INTS14: variants seen among roughly 807,000 people sequenced by gnomAD.
The protein encoded by INTS14 is integrator complex subunit 14.
In INTS14, 27 loss-of-function variants were observed where a neutral mutation model predicts 56.9. The ratio of observed to expected loss-of-function variants is 0.47; its 90% CI spans 0.35 to 0.65. The LOEUF is 0.65. INTS14 is among the 30% of genes least tolerant of loss of function. The pLI is 0.00. For missense variants in INTS14, 517 were observed against 632.2 expected (o/e 0.82, Z 1.95); for synonymous variants, 207 against 236.2 (o/e 0.88, Z 1.13).
chr15:65,590,907 T>A lies in INTS14; in HGVS notation c.1120+691A>T, dbSNP rs367654687. Among the ~76,000 whole-genome samples, 31 of 152,140 alleles carry A rather than the reference T, an allele frequency of 2.0e-4. 1 individual carries two copies. The South Asian group carries it at 6.4e-3, about 32-fold the overall frequency. ...GGAGGAAAATCAGAAGGAGGAATAG[T>A]TTGAGGAGAAAGGGGTGCGGGACAA... On this transcript the variant is annotated intron_variant, in intron 9 of 11. Transcript: ENST00000313182.
chr15:65,604,741 A>AAG (rs1214415607), intron 3 of INTS14, among the ~76,000 whole-genome samples: 1 of 151,976 alleles, frequency 6.6e-6, no homozygotes, highest in African/African-American at 2.4e-5. Context: ...AAAAAAAAAA[A>AAG]AAAAAAAAAG....
Position 65,584,806 on chromosome 15 carries a change from C to G in INTS14, c.1203G>C (p.Gln401His), listed in dbSNP as rs1367106508. The G allele has an allele frequency of 2.5e-6, 4 of 1,613,382 alleles. No individual in the cohort carries two copies. The highest frequency in any genetic ancestry group is 4.5e-5 in the East Asian group (2 of 44,826). The change falls in exon 10 of 12, where the codon CAG becomes CAC. Residue 401 changes from glutamine to histidine, a missense_variant. Gln to His is a conservative substitution (Grantham distance 24). Coordinates refer to ENST00000313182, the MANE Select transcript of INTS14 (RefSeq NM_001394796.1). ...LQPKNKRSYA[Q>H]NVTVWIKPSG... is the part of the protein sequence containing the mutation. ...TGGGTTTGATCCAGACAGTCACATT[C>G]TGGGCATAACTGCGTTTGTTTTTGG...
chr15:65,607,295 T>C lies in INTS14; in HGVS notation c.86A>G (p.His29Arg). 6.2e-7 allele frequency: 1 copy of C among 1,614,208 alleles called. No homozygotes were observed. Among genetic ancestry groups the C allele is most frequent in the Non-Finnish European group, 8.5e-7 (1 of 1,180,038 alleles). ...CATCGTTAAACCATGGGCTGCTAGGTGCTTACGCTGGTATTCCTCGGACCC... is the reference window on the plus strand; with the variant it reads ...CATCGTTAAACCATGGGCTGCTAGGCGCTTACGCTGGTATTCCTCGGACCC... ...IEGSEEYQRK[H>R]LAAHGLTMLF... is the part of the protein sequence containing the mutation. Residue 29 changes from histidine to arginine, a missense_variant, in exon 2 of 12, where the codon CAC becomes CGC. Physicochemically the swap from His to Arg is conservative, Grantham distance 29. Coordinates refer to ENST00000313182, the MANE Select transcript of INTS14 (RefSeq NM_001394796.1).
In INTS14 at chr15:65,611,081, T is replaced by G; in HGVS notation, c.-63+17A>C. 1 of 1,535,630 alleles carries G rather than the reference T, an allele frequency of 6.5e-7. No individual in the cohort carries two copies. The stretch of plus-strand genomic sequence containing the variant: ...AGCAGCGAAAGGCAGTCCCGGGCCC[T>G]CGGCCTCCCCACTCACCCCGTGCCC... On this transcript the variant is annotated intron_variant, in intron 1 of 11. Coordinates refer to ENST00000313182, the MANE Select transcript of INTS14 (RefSeq NM_001394796.1).
chr15:65,610,601 G>A, intron 1 of INTS14: 3 of 1,424,082 alleles, frequency 2.1e-6, no homozygotes, highest in Non-Finnish European at 2.9e-6. Flanking sequence ...TTCCCTGAAG[G>A]TGATAATTAG....
At chr15:65,592,598 T>G (rs1279243545) in intron 8 of INTS14, among the ~76,000 whole-genome samples, 1 of 152,218 alleles carries the variant, frequency 6.6e-6, no homozygotes, top group Non-Finnish European at 1.5e-5. Context: ...ACAACCTCTC[T>G]TAAGCCTGTC....
chr15:65,590,066 C>G (rs949346277), intron 9 of INTS14, among the ~76,000 whole-genome samples: 1 of 152,196 alleles, frequency 6.6e-6, no homozygotes, highest in African/African-American at 2.4e-5. Flanking sequence ...TTTAACACTT[C>G]TCTCTCCATA....
In INTS14 at chr15:65,584,752, C is replaced by T; in HGVS notation, c.1239+18G>A. On this transcript the variant is annotated intron_variant, in intron 10 of 11. Coordinates refer to ENST00000313182, the MANE Select transcript of INTS14 (RefSeq NM_001394796.1). Reference sequence around the variant, plus strand: ...GTCTCCTGTCCCCAGTGGAAAGCAACATAAATGGTAATGTTACCTGCAGGC... The same window carrying T: ...GTCTCCTGTCCCCAGTGGAAAGCAATATAAATGGTAATGTTACCTGCAGGC... 6.2e-7 allele frequency: 1 copy of T among 1,607,752 alleles called. No homozygotes were observed. Among genetic ancestry groups the T allele is most frequent in the South Asian group, 1.1e-5 (1 of 90,042 alleles).
chr15:65,587,547 A>C (rs1385452607), intron 9 of INTS14, among the ~76,000 whole-genome samples: 1 of 152,222 alleles, frequency 6.6e-6, no homozygotes, highest in East Asian at 1.9e-4. Context: ...CTGAATACTG[A>C]TTTAACCAAA....
At chr15:65,603,081 TATA>T (rs1437191266) in intron 3 of INTS14, among the ~76,000 whole-genome samples, 1 of 152,222 alleles carries the variant, frequency 6.6e-6, no homozygotes, top group South Asian at 2.1e-4. Flanking sequence ...ATTTATTCAC[TATA>T]ATGTTAGGAA....
At chr15:65,597,682 T>C (rs1335175759) in intron 6 of INTS14, among the ~76,000 whole-genome samples, 1 of 152,188 alleles carries the variant, frequency 6.6e-6, no homozygotes, top group Admixed American at 6.5e-5. Flanking sequence ...AGAGGAAGAC[T>C]TCCCAGGGTC....
Position 65,579,556 on chromosome 15 carries a change from G to A in INTS14, c.1409C>T (p.Thr470Ile). The change falls in exon 12 of 12, where the codon ACA (threonine) becomes ATA (isoleucine). Residue 470 changes from threonine (T) to isoleucine (I), a missense_variant. Physicochemically the swap from Thr to Ile is moderately conservative, Grantham distance 89. Coordinates refer to ENST00000313182, the MANE Select transcript of INTS14 (RefSeq NM_001394796.1). ...CTGGAATGCAGCATCAGGGTGGGCTGTCTCAGGCAGCAGTGTGCATTCCCT... is the reference window on the plus strand; with the variant it reads ...CTGGAATGCAGCATCAGGGTGGGCTATCTCAGGCAGCAGTGTGCATTCCCT... Reference protein sequence around the residue: ...LERECTLLPETAHPDAAFQLT... With the variant: ...LERECTLLPEIAHPDAAFQLT... The A allele has an allele frequency of 6.2e-7, 1 of 1,614,196 alleles. No individual in the cohort carries two copies. The highest frequency in any genetic ancestry group is 8.5e-7 in the Non-Finnish European group (1 of 1,180,038).
intron 8 of INTS14, among the ~76,000 whole-genome samples, chr15:65,592,576 TGG>T: frequency 6.6e-6 from 1 of 152,270 alleles, no homozygotes; most frequent in East Asian, 1.9e-4. Context: ...TGTGTGACCT[TGG>T]GCAAGTTCCA....
At chr15:65,598,115 A>G (rs1217855289) in intron 6 of INTS14, among the ~76,000 whole-genome samples, 4 of 152,196 alleles carry the variant, frequency 2.6e-5, no homozygotes, top group African/African-American at 9.7e-5. Flanking sequence ...TCAATCACTA[A>G]GTAAAATGCA....
intron 9 of INTS14, among the ~76,000 whole-genome samples, chr15:65,587,834 T>G (rs1232079283): frequency 4.0e-5 from 6 of 151,676 alleles, no homozygotes; most frequent in Admixed American, 3.3e-4. Context: ...TCAAAAAAAT[T>G]AGCCAGGCAT....
intron 10 of INTS14, among the ~76,000 whole-genome samples, chr15:65,584,048 A>C (rs1339294619): frequency 6.6e-6 from 1 of 152,230 alleles, no homozygotes; most frequent in African/African-American, 2.4e-5. Flanking sequence ...AAAGGAGAAA[A>C]AAGTTTCAAT....
Position 65,611,095 on chromosome 15 carries a change from C to A in INTS14, c.-63+3G>T. 6.5e-7 allele frequency: 1 copy of A among 1,535,780 alleles called. No homozygotes were observed. Among genetic ancestry groups the A allele is most frequent in the East Asian group, 2.4e-5 (1 of 40,904 alleles). On this transcript the variant is annotated splice_donor_region_variant and intron_variant, in intron 1 of 11. Coordinates refer to ENST00000313182, the MANE Select transcript of INTS14 (RefSeq NM_001394796.1). ...GTCCCGGGCCCTCGGCCTCCCCACTCACCCCGTGCCCATCGCCGGACACAG... is the reference window on the plus strand; with the variant it reads ...GTCCCGGGCCCTCGGCCTCCCCACTAACCCCGTGCCCATCGCCGGACACAG...
Position 65,594,465 on chromosome 15 carries a change from T to A in INTS14, c.842-893A>T, listed in dbSNP as rs185671350. On this transcript the variant is annotated intron_variant, in intron 7 of 11. Transcript: ENST00000313182. ...TGGAGTGCAGTGGCGCGATCTCGGC[T>A]CACTGCAAACTCCGCCTCCCAGGTT... Among the ~76,000 whole-genome samples, 888 of 151,224 alleles carry A rather than the reference T, an allele frequency of 5.9e-3. 6 individuals are homozygous for A. Among genetic ancestry groups the A allele is most frequent in the Non-Finnish European group, 8.3e-3 (565 of 67,816 alleles).
In INTS14 at chr15:65,605,234, T is replaced by A. The variant is rs755204948; in HGVS notation, c.225A>T (p.Glu75Asp). Residue 75 changes from glutamate (E) to aspartate (D), a missense_variant and splice_region_variant, in exon 3 of 12, where the codon GAA (glutamate) becomes GAT (aspartate). Physicochemically the swap from Glu to Asp is conservative, Grantham distance 45. Transcript: ENST00000313182. ...PFTRDYNTLQ[E>D]ALSNMDDYDK... ...CATAATCATCCATATTACTTAGTGC[T>A]TCCTTATTGAATAAAAGATAAAATT... The A allele has an allele frequency of 6.2e-7, 1 of 1,609,426 alleles. No individual in the cohort carries two copies. Among genetic ancestry groups the A allele is most frequent in the African/African-American group, 1.3e-5 (1 of 74,984 alleles).
Sources: allele counts gnomAD v4.1 joint callset (sites outside exome capture counted in the v4.1 genomes callset), GRCh38; gene constraint gnomAD v4.1.1; transcripts MANE v1.5; gene names NCBI Gene and HGNC (gene_info 2026-07-23, HGNC 2026-07-21).